TIE1: variants seen among roughly 807,000 people sequenced by gnomAD.
TIE1 encodes tyrosine-protein kinase receptor Tie-1.
In TIE1, 89 loss-of-function variants were observed where a neutral mutation model predicts 130.5. That is an observed-to-expected ratio of 0.68 (90% CI 0.57 to 0.81). The LOEUF is 0.81. Ranked by LOEUF, TIE1 falls within the 40% of genes least tolerant of loss-of-function variation. TIE1 has a pLI of 0.00. For synonymous variants in TIE1, 568 were observed against 629.4 expected, an observed-to-expected ratio of 0.90 and a Z score of 1.46; for missense variants, 1,392 against 1,559.8, an observed-to-expected ratio of 0.89 and a Z score of 1.81.
At chr1:43,308,019 A>C in intron 7 of TIE1, 95 bp downstream of exon 7, 1 of 1,533,312 alleles carries the variant, frequency 6.5e-7, no homozygotes, top group Non-Finnish European at 8.8e-7. Flanking sequence ...TCCTTTCCCT[A>C]CGAGGGTCCA....
Position 43,312,679 on chromosome 1 carries a change from G to C in TIE1, c.1927+78G>C. The C allele has an allele frequency of 6.7e-7, 1 of 1,489,270 alleles. No homozygotes were observed. Among genetic ancestry groups the C allele is most frequent in the Non-Finnish European group, 9.0e-7 (1 of 1,107,720 alleles). 92.3% of individuals were successfully genotyped at this position (1,489,270 alleles called of 1,614,324 possible). The stretch of plus-strand genomic sequence containing the variant: ...GGGACACATGAGACCTAGGAGACAC[G>C]GGAGGCTGTAGGAGATTAATGGACA... On this transcript the variant is annotated intron_variant, in intron 12 of 22. Coordinates refer to ENST00000372476, the MANE Select transcript of TIE1 (RefSeq NM_005424.5). The surrounding 1 kb of genome is among the most constrained non-coding windows in gnomAD (Gnocchi z 5.6).
chr1:43,301,013 C>T lies in TIE1; in HGVS notation c.-59C>T. Reference sequence around the variant, plus strand: ...ACCAACACAGGCTGAGCAGTCAGGCCCACAGCATCTGACCCCAGGCCCAGC... The same window carrying T: ...ACCAACACAGGCTGAGCAGTCAGGCTCACAGCATCTGACCCCAGGCCCAGC... On this transcript the variant is annotated 5_prime_UTR_variant, in exon 1 of 23. Transcript: ENST00000372476. 6.3e-7 allele frequency: 1 copy of T among 1,592,416 alleles called. No homozygotes were observed. Among genetic ancestry groups the T allele is most frequent in the Non-Finnish European group, 8.6e-7 (1 of 1,161,644 alleles).
chr1:43,318,481 G>A lies in TIE1; in HGVS notation c.2922+409G>A, dbSNP rs932819931. ...GACAGGGGGATGACTGTCCAGGGGA[G>A]TGTGAGTCTGAGGGAAGGCATTTTA... is the stretch of plus-strand genomic sequence containing the variant. On this transcript the variant is annotated intron_variant, in intron 17 of 22. Transcript: ENST00000372476. The surrounding 1 kb of genome is among the most constrained non-coding windows in gnomAD (Gnocchi z 4.4). Among the ~76,000 whole-genome samples, 3 of 152,044 alleles carry A rather than the reference G, an allele frequency of 2.0e-5. No individual in the cohort carries two copies. Among genetic ancestry groups the A allele is most frequent in the Admixed American group, 1.3e-4 (2 of 15,272 alleles).
At position 43,317,913 on chromosome 1, in the gene TIE1, C is replaced by CT. The variant is rs1405397786; in HGVS notation, c.2764dup (p.Tyr922LeufsTer17). ...TGTATATCGCTATTGAATATGCCCC[C>CT]TACGGGAACCTGCTAGATTTTCTGC... On this transcript the variant is annotated frameshift_variant, in exon 17 of 23. Coordinates refer to ENST00000372476, the MANE Select transcript of TIE1 (RefSeq NM_005424.5). LOFTEE classifies it high-confidence loss of function. This position sits in a 1 kb window ranked among gnomAD's most constrained non-coding sequence, Gnocchi z 5.1. The CT allele has an allele frequency of 6.2e-7, 1 of 1,614,048 alleles. No homozygotes were observed. The highest frequency in any genetic ancestry group is 8.5e-7 in the Non-Finnish European group (1 of 1,180,008).
At chr1:43,314,569 T>C in intron 14 of TIE1, 4 of 988,906 alleles carry the variant, frequency 4.0e-6, no homozygotes, top group Non-Finnish European at 4.8e-6. Flanking sequence ...GACTTGCACC[T>C]GTAATCCTAG....
In TIE1 at chr1:43,307,657, C is replaced by T. The variant is rs572189318; in HGVS notation, c.913+85C>T. The T allele has an allele frequency of 5.5e-5, 88 of 1,605,316 alleles. 1 individual carries two copies. Among genetic ancestry groups the T allele is most frequent in the East Asian group, 3.8e-4 (17 of 44,740 alleles). On this transcript the variant is annotated intron_variant, in intron 6 of 22. Transcript: ENST00000372476. This position sits in a 1 kb window ranked among gnomAD's most constrained non-coding sequence, Gnocchi z 5.4. ...GACCCTCCACTCTGCCTCTGACTTA[C>T]GCAGCAAGCCCTCCTGCTCACTTGA...
At chr1:43,314,274 G>C (rs1214172049) in intron 14 of TIE1, 1 of 903,212 alleles carries the variant, frequency 1.1e-6, no homozygotes, top group African/African-American at 1.7e-5. Flanking sequence ...GTCAATTGGA[G>C]ATTTTCCTCT....
At position 43,311,723 on chromosome 1, in the gene TIE1, G is replaced by T. The variant is rs1446774620; in HGVS notation, c.1386G>T (p.Gln462His). The change falls in exon 10 of 23, where the codon CAG (glutamine) becomes CAT (histidine). Residue 462 changes from glutamine to histidine, a missense_variant. This residue lies in a region of TIE1 where 551 missense variants were observed against 565.5 expected (regional missense o/e 0.97). Coordinates refer to ENST00000372476, the MANE Select transcript of TIE1 (RefSeq NM_005424.5). Reference sequence around the variant, plus strand: ...GGCTCCTGACCAAGCAGAGCCGCCAGCTTGTGGTCTCCCCGCTGGTCTCGT... The same window carrying T: ...GGCTCCTGACCAAGCAGAGCCGCCATCTTGTGGTCTCCCCGCTGGTCTCGT... ...APRLLTKQSRQLVVSPLVSFS... is the reference protein window; with the variant it reads ...APRLLTKQSRHLVVSPLVSFS... The T allele has an allele frequency of 5.0e-6, 8 of 1,614,082 alleles. No individual in the cohort carries two copies. Among genetic ancestry groups the T allele is most frequent in the Admixed American group, 3.3e-5 (2 of 60,004 alleles).
In TIE1 at chr1:43,322,893, C is replaced by T. The variant is rs150831395; in HGVS notation, c.*171C>T. The T allele has an allele frequency of 2.3e-3, 1,412 of 606,216 alleles. 17 individuals carry two copies. The African/African-American group carries it at 0.023, about 10-fold the overall frequency. The allele number at this position is 606,216 out of a possible 1,614,324, so 37.6% of individuals were successfully genotyped here. A position where few individuals can be genotyped will look rare whatever the true frequency, so the allele number is the denominator to read the frequency against. The stretch of plus-strand genomic sequence containing the variant: ...GGGGTGGGCTTAGGGGAACTGGGTT[C>T]CCATGCTTTGTAGGTGTCTCATAGC... On this transcript the variant is annotated 3_prime_UTR_variant, in exon 23 of 23. Transcript: ENST00000372476. The surrounding 1 kb of genome is among the most constrained non-coding windows in gnomAD (Gnocchi z 4.0).
rs888572384 is a variant in TIE1, at chr1:43,304,946, A to G, written c.154A>G (p.Arg52Gly). ...TCVSGEAGAGRGSDAWGPPLL... is the reference protein window; with the variant it reads ...TCVSGEAGAGGGSDAWGPPLL... ...CGTGTCTGGGGAGGCCGGGGCGGGG[A>G]GGGGCTCGGACGCCTGGGGCCCGCC... Residue 52 changes from arginine (R) to glycine (G), a missense_variant, in exon 2 of 23, where the codon AGG becomes GGG. Coordinates refer to ENST00000372476, the MANE Select transcript of TIE1 (RefSeq NM_005424.5). 1 of 1,446,252 alleles carries G rather than the reference A, an allele frequency of 6.9e-7. No homozygotes were observed. Among genetic ancestry groups the G allele is most frequent in the African/African-American group, 1.5e-5 (1 of 68,738 alleles). 89.6% of individuals were successfully genotyped at this position (1,446,252 alleles called of 1,614,324 possible). A position where few individuals can be genotyped will look rare whatever the true frequency, so the allele number is the denominator to read the frequency against.
intron 1 of TIE1, chr1:43,302,583 C>T (rs974562856): frequency 6.6e-6 from 1 of 152,166 alleles, no homozygotes; most frequent in African/African-American, 2.4e-5. Context: ...GCAGCCAGAA[C>T]ATAAAAAATG....
rs151325223 is a variant in TIE1, at chr1:43,306,879, A to T, written c.524A>T (p.Asp175Val). ...FYTLDWHEAQ[D>V]GRFLLQLPNV... ...ACCCTGGACTGGCATGAAGCCCAGG[A>T]TGGGCGGTTCCTGCTGCAGCTCCCA... The change falls in exon 4 of 23, where the codon GAT becomes GTT. Residue 175 changes from aspartate to valine, a missense_variant. By Grantham distance (152) the Asp-to-Val change is radical (BLOSUM62 -3). Around this residue, in one of 6 missense-constraint regions of TIE1, gnomAD observed 415 missense variants for 424.8 expected, o/e 0.98. Coordinates refer to ENST00000372476, the MANE Select transcript of TIE1 (RefSeq NM_005424.5). The surrounding 1 kb of genome is among the most constrained non-coding windows in gnomAD (Gnocchi z 4.9). 2.0e-5 allele frequency: 33 copies of T among 1,613,812 alleles called. 1 individual carries two copies. The African/African-American group carries it at 3.6e-4, about 18-fold the overall frequency.
chr1:43,306,218 G>A lies in TIE1; in HGVS notation c.485-622G>A, dbSNP rs2153910513. Among the ~76,000 whole-genome samples, 1 of 152,332 alleles carries A rather than the reference G, an allele frequency of 6.6e-6. No homozygotes were observed. Among genetic ancestry groups the A allele is most frequent in the East Asian group, 1.9e-4 (1 of 5,184 alleles). ...GAAGACAAAGAAGGCAGAAAAGGAA[G>A]GAAGGGCCTTCCAGGAGGAGGGACT... is the stretch of plus-strand genomic sequence containing the variant. On this transcript the variant is annotated intron_variant, in intron 3 of 22. Coordinates refer to ENST00000372476, the MANE Select transcript of TIE1 (RefSeq NM_005424.5). This position sits in a 1 kb window ranked among gnomAD's most constrained non-coding sequence, Gnocchi z 4.9.
At chr1:43,311,149 C>T (rs1186315975) in intron 9 of TIE1, among the ~76,000 whole-genome samples, 1 of 152,126 alleles carries the variant, frequency 6.6e-6, no homozygotes, top group Non-Finnish European at 1.5e-5. Flanking sequence ...AGTTGTGTGT[C>T]CTTAGGCAAG....
At chr1:43,314,180 TA>T (rs921494611) in intron 14 of TIE1, 1 of 708,508 alleles carries the variant, frequency 1.4e-6, no homozygotes, top group Non-Finnish European at 2.3e-6. Flanking sequence ...CCATTTATAT[TA>T]GTGGTGAAAT....
rs764925589 is a variant in TIE1, at chr1:43,313,844, T to A, written c.2285T>A (p.Ile762Asn). ...GAAGAGGGCCTGGATCAGCAGCTGA[T>A]CCTGGCGGTGGTGGGCTCCGTGTCT... ...AAEEGLDQQL[I>N]LAVVGSVSAT... The change falls in exon 14 of 23, where the codon ATC becomes AAC. Residue 762 changes from isoleucine (I) to asparagine (N), a missense_variant. This residue lies in a region of TIE1 where 286 missense variants were observed against 354.4 expected (regional missense o/e 0.81). Coordinates refer to ENST00000372476, the MANE Select transcript of TIE1 (RefSeq NM_005424.5). The surrounding 1 kb of genome is among the most constrained non-coding windows in gnomAD (Gnocchi z 6.2). 3 of 1,613,984 alleles carry A rather than the reference T, an allele frequency of 1.9e-6. No homozygotes were observed. The African/African-American group carries it at 4.0e-5, about 22-fold the overall frequency.
chr1:43,312,323 G>A lies in TIE1; in HGVS notation c.1649G>A (p.Trp550Ter). The A allele has an allele frequency of 6.4e-7, 1 of 1,553,952 alleles. No individual in the cohort carries two copies. The highest frequency in any genetic ancestry group is 8.7e-7 in the Non-Finnish European group (1 of 1,147,558). The change falls in exon 12 of 23, where the codon TGG (tryptophan) becomes TAG (stop). Residue 550 changes from tryptophan to a stop codon, truncating the protein, a stop_gained. Coordinates refer to ENST00000372476, the MANE Select transcript of TIE1 (RefSeq NM_005424.5). LOFTEE classifies it high-confidence loss of function. The surrounding 1 kb of genome is among the most constrained non-coding windows in gnomAD (Gnocchi z 5.6). ...TDCPEPLLQPWLEGWHVEGTD... is the reference protein window; with the variant it reads ...TDCPEPLLQP ...GCCCCAGAGCCTTTGTTGCAGCCGT[G>A]GTTGGAGGGCTGGCATGTGGAAGGC...
chr1:43,317,466 C>T lies in TIE1; in HGVS notation c.2620+57C>T. On this transcript the variant is annotated intron_variant, in intron 15 of 22. Coordinates refer to ENST00000372476, the MANE Select transcript of TIE1 (RefSeq NM_005424.5). This position sits in a 1 kb window ranked among gnomAD's most constrained non-coding sequence, Gnocchi z 5.1. Reference sequence around the variant, plus strand: ...ATGCTCTCCTTTGTCCCACAAATCCCAGGCCCCACCTGGCTTCCTCCAGCA... The same window carrying T: ...ATGCTCTCCTTTGTCCCACAAATCCTAGGCCCCACCTGGCTTCCTCCAGCA... 1 of 1,611,726 alleles carries T rather than the reference C, an allele frequency of 6.2e-7. No individual in the cohort carries two copies.
In TIE1 at chr1:43,312,610, A is replaced by G; in HGVS notation, c.1927+9A>G. The stretch of plus-strand genomic sequence containing the variant: ...GCTTCTGCCCCCCAGTGGTATGTGC[A>G]AGGCGCAAGGATAGCTGGGGGTTGG... On this transcript the variant is annotated intron_variant, in intron 12 of 22. Coordinates refer to ENST00000372476, the MANE Select transcript of TIE1 (RefSeq NM_005424.5). This position sits in a 1 kb window ranked among gnomAD's most constrained non-coding sequence, Gnocchi z 5.6. The G allele has an allele frequency of 6.3e-7, 1 of 1,589,208 alleles. No homozygotes were observed. Among genetic ancestry groups the G allele is most frequent in the Non-Finnish European group, 8.6e-7 (1 of 1,166,022 alleles).
Sources: gnomAD v4.1 joint callset for allele counts (sites outside exome capture counted in the v4.1 genomes callset) on GRCh38, gnomAD v4.1.1 for gene constraint, gnomAD v4.1.1 regional missense constraint, Gnocchi (gnomAD v3.1) non-coding constraint, MANE v1.5 for transcripts, NCBI Gene and HGNC (gene_info 2026-07-23, HGNC 2026-07-21) for gene names.